Variants in KCNQ1 observed in about 807,000 individuals in gnomAD.
KCNQ1 encodes the protein potassium voltage-gated channel subfamily Q member 1.
A neutral mutation model predicts 72.4 loss-of-function variants in KCNQ1; 49 were observed. The ratio of observed to expected loss-of-function variants is 0.68; its 90% CI spans 0.54 to 0.86. The LOEUF (loss-of-function observed/expected upper bound fraction) is 0.86, where lower values mean the gene tolerates loss of function less well. KCNQ1 is among the 40% of genes least tolerant of loss of function. KCNQ1 has a pLI of 0.00. For synonymous variants in KCNQ1, 450 were observed against 412.6 expected, an observed-to-expected ratio of 1.09 and a Z score of -1.10; for missense variants, 790 against 945.1, an observed-to-expected ratio of 0.84 and a Z score of 2.15.
chr11:2,571,642 T>G (rs1427450741), intron 4 of KCNQ1, among the ~76,000 whole-genome samples: 1 of 151,942 alleles, frequency 6.6e-6, no homozygotes, highest in South Asian at 2.1e-4. Context: ...GGCCCAGCAC[T>G]AGCGCCTCTG....
chr11:2,651,149 A>G lies in KCNQ1; in HGVS notation c.1394-10812A>G. The G allele has an allele frequency of 2.5e-6, 1 of 398,642 alleles. No homozygotes were observed. The highest frequency in any genetic ancestry group is 1.3e-4 in the South Asian group (1 of 7,850). 24.7% of individuals were successfully genotyped at this position (398,642 alleles called of 1,614,324 possible). A position where few individuals can be genotyped will look rare whatever the true frequency, so the allele number is the denominator to read the frequency against. ...ATAACAGCTCAAGGGAGTTCTTTAA[A>G]TGTACAGTGGATCTTGCTGCTTCCC... On this transcript the variant is annotated intron_variant, in intron 10 of 15. Transcript: ENST00000155840. The surrounding 1 kb of genome is among the most constrained non-coding windows in gnomAD (Gnocchi z 6.1).
In KCNQ1 at chr11:2,700,071, C is replaced by A. The variant is rs903273685; in HGVS notation, c.1514+37990C>A. The A allele has an allele frequency of 7.5e-6, 3 of 397,906 alleles. No individual in the cohort carries two copies. In the East Asian group the frequency reaches 1.1e-4, roughly 14 times the overall value. The allele number at this position is 397,906 out of a possible 1,614,324, so 24.6% of individuals were successfully genotyped here. On this transcript the variant is annotated intron_variant, in intron 11 of 15. Coordinates refer to ENST00000155840, the MANE Select transcript of KCNQ1 (RefSeq NM_000218.3). ...GACCGCCCCCCACCTGCTGATTGGGCGGCAGCAGGGGAAGGCTTGCGGCGG... is the reference window on the plus strand; with the variant it reads ...GACCGCCCCCCACCTGCTGATTGGGAGGCAGCAGGGGAAGGCTTGCGGCGG...
rs535384555 is a variant in KCNQ1 at position 2,775,705 on chromosome 11, C to T, written c.1591-255C>T. Among the ~76,000 whole-genome samples the T allele has an allele frequency of 9.8e-5, 15 of 152,304 alleles. No individual in the cohort carries two copies. In the South Asian group the frequency reaches 2.1e-3, roughly 21 times the overall value. On this transcript the variant is annotated intron_variant, in intron 12 of 15. Coordinates refer to ENST00000155840, the MANE Select transcript of KCNQ1 (RefSeq NM_000218.3). Reference sequence around the variant, plus strand: ...AAGGGAGGAGACAGCAGGCCCCTGCCGGTGAGTAGACAGGAAGCTGGGACC... The same window carrying T: ...AAGGGAGGAGACAGCAGGCCCCTGCTGGTGAGTAGACAGGAAGCTGGGACC...
intron 1 of KCNQ1, chr11:2,461,449 C>T (rs762580189): frequency 1.0e-4 from 131 of 1,286,006 alleles, no homozygotes; most frequent in Non-Finnish European, 1.2e-4. Flanking sequence ...TTCCCTTCCT[C>T]CCCTGCAGCT....
intron 10 of KCNQ1, chr11:2,609,029 T>C: frequency 2.5e-6 from 1 of 398,444 alleles, no homozygotes. Context: ...CTATATTTTA[T>C]TTCTACTCTA....
chr11:2,511,826 T>C (rs1200495210), intron 1 of KCNQ1, among the ~76,000 whole-genome samples: 2 of 152,198 alleles, frequency 1.3e-5, no homozygotes, highest in African/African-American at 4.8e-5. Context: ...GAGGGGGTGC[T>C]TGGCCACATG....
rs539572417 is a variant in KCNQ1, at chr11:2,766,779, G to C, written c.1515-2065G>C. Reference sequence around the variant, plus strand: ...AATTCCTTGTCCCAAAATTAATGCTGTAAGTTTTAGGATATTGATATGACA... The same window carrying C: ...AATTCCTTGTCCCAAAATTAATGCTCTAAGTTTTAGGATATTGATATGACA... On this transcript the variant is annotated intron_variant, in intron 11 of 15. Transcript: ENST00000155840. The surrounding 1 kb of genome is among the most constrained non-coding windows in gnomAD (Gnocchi z 4.4). Among the ~76,000 whole-genome samples, 1 of 152,300 alleles carries C rather than the reference G, an allele frequency of 6.6e-6. No homozygotes were observed. The highest frequency in any genetic ancestry group is 2.4e-5 in the African/African-American group (1 of 41,564).
In KCNQ1 at chr11:2,608,413, G is replaced by C; in HGVS notation, c.1393+19559G>C. The C allele has an allele frequency of 2.5e-6, 1 of 398,502 alleles. No individual in the cohort carries two copies. The highest frequency in any genetic ancestry group is 3.6e-5 in the East Asian group (1 of 28,068). 24.7% of individuals were successfully genotyped at this position (398,502 alleles called of 1,614,324 possible). Reference sequence around the variant, plus strand: ...ATTTATTGGCACAAAATTGTTCATAGTGTTCCTTCATAATCCTTTTTATTT... The same window carrying C: ...ATTTATTGGCACAAAATTGTTCATACTGTTCCTTCATAATCCTTTTTATTT... On this transcript the variant is annotated intron_variant, in intron 10 of 15. Transcript: ENST00000155840. This position sits in a 1 kb window ranked among gnomAD's most constrained non-coding sequence, Gnocchi z 4.6.
chr11:2,527,456 C>T (rs545029022), intron 1 of KCNQ1, among the ~76,000 whole-genome samples: 5 of 152,342 alleles, frequency 3.3e-5, no homozygotes, highest in Admixed American at 2.6e-4. Flanking sequence ...TCATTTGTGG[C>T]TCTAGGGCCC....
In KCNQ1 at chr11:2,463,058, G is replaced by A. The variant is rs2133584661; in HGVS notation, c.386+17574G>A. 6.6e-6 allele frequency among the ~76,000 whole-genome samples: 1 copy of A among 152,182 alleles called. No individual in the cohort carries two copies. Among genetic ancestry groups the A allele is most frequent in the South Asian group, 2.1e-4 (1 of 4,814 alleles). On this transcript the variant is annotated intron_variant, in intron 1 of 15. Coordinates refer to ENST00000155840, the MANE Select transcript of KCNQ1 (RefSeq NM_000218.3). The surrounding 1 kb of genome is among the most constrained non-coding windows in gnomAD (Gnocchi z 7.0). ...AGTGGGGCCAGTCGGGGGTCCTCAG[G>A]GGTCCTTCAGGGATATACCTGCTGT...
At chr11:2,585,026 G>A (rs1389036285) in intron 7 of KCNQ1, among the ~76,000 whole-genome samples, 186 bp from the exon 8 acceptor site, 1 of 152,198 alleles carries the variant, frequency 6.6e-6, no homozygotes, top group Non-Finnish European at 1.5e-5. Context: ...TAAGACCTGG[G>A]GTATAAGTTC....
chr11:2,709,708 G>T (rs1352564572), intron 11 of KCNQ1, among the ~76,000 whole-genome samples: 1 of 152,104 alleles, frequency 6.6e-6, no homozygotes, highest in African/African-American at 2.4e-5. Flanking sequence ...TGCCTGTTCT[G>T]AACATTTCAC....
At chr11:2,814,080 T>A (rs1024295886) in intron 15 of KCNQ1, among the ~76,000 whole-genome samples, 1 of 141,142 alleles carries the variant, frequency 7.1e-6, no homozygotes, top group East Asian at 2.1e-4. Context: ...AAGAGGTGGA[T>A]GGATGAATGG....
intron 11 of KCNQ1, among the ~76,000 whole-genome samples, chr11:2,756,552 A>G (rs1250164167): frequency 6.6e-6 from 1 of 152,162 alleles, no homozygotes; most frequent in South Asian, 2.1e-4. Flanking sequence ...ATGGTTACCC[A>G]GGATAGGGGA....
At chr11:2,836,040 C>T (rs1213220834) in intron 15 of KCNQ1, among the ~76,000 whole-genome samples, 1 of 151,462 alleles carries the variant, frequency 6.6e-6, no homozygotes, top group East Asian at 2.0e-4. Context: ...GAGCTGCTCC[C>T]AAGGACGCAC....
chr11:2,445,840 C>G (rs1846029275), intron 1 of KCNQ1, among the ~76,000 whole-genome samples: 1 of 152,112 alleles, frequency 6.6e-6, no homozygotes, highest in African/African-American at 2.4e-5. Flanking sequence ...AGTAAGATAA[C>G]TCCTCAAGGT....
chr11:2,523,044 C>G (rs75075955), intron 1 of KCNQ1, among the ~76,000 whole-genome samples: 4,137 of 152,334 alleles, frequency 0.027, 152 homozygotes, highest in African/African-American at 0.087. Flanking sequence ...GCAGGAGAGG[C>G]CCCTGCAGCT....
chr11:2,691,224 AG>A lies in KCNQ1; in HGVS notation c.1514+29145del, dbSNP rs1332867277. The A allele has an allele frequency of 5.0e-6, 2 of 398,498 alleles. No homozygotes were observed. Among genetic ancestry groups the A allele is most frequent in the South Asian group, 2.5e-4 (2 of 7,854 alleles). 24.7% of individuals were successfully genotyped at this position (398,498 alleles called of 1,614,324 possible). On this transcript the variant is annotated intron_variant, in intron 11 of 15. Coordinates refer to ENST00000155840, the MANE Select transcript of KCNQ1 (RefSeq NM_000218.3). This position sits in a 1 kb window ranked among gnomAD's most constrained non-coding sequence, Gnocchi z 6.4. ...AAAAATTAGCAAGTGGAGGAGTTAG[AG>A]GATCTGCAGTTAACCCCTTGAGTCT...
chr11:2,610,823 G>A (rs1040058465), intron 10 of KCNQ1: 1 of 311,386 alleles, frequency 3.2e-6, no homozygotes, highest in African/African-American at 2.5e-5. Flanking sequence ...CTCCACATTT[G>A]TCTCCCTGAC....
Sources: gnomAD v4.1 joint callset for allele counts (sites outside exome capture counted in the v4.1 genomes callset) on GRCh38, gnomAD v4.1.1 for gene constraint, Gnocchi (gnomAD v3.1) non-coding constraint, MANE v1.5 for transcripts, NCBI Gene and HGNC (gene_info 2026-07-23, HGNC 2026-07-21) for gene names.